ADAMTS19: variants seen among roughly 807,000 people sequenced by gnomAD.
ADAMTS19 encodes ADAM metallopeptidase with thrombospondin type 1 motif 19, also known as A disintegrin and metalloproteinase with thrombospondin motifs 19.
ADAMTS19 carries 93 observed loss-of-function variants against 153.3 expected under a neutral mutation model. That is an observed-to-expected ratio of 0.61 (90% CI 0.51 to 0.72). The LOEUF (loss-of-function observed/expected upper bound fraction) is 0.72. Among genes scored for constraint, ADAMTS19 ranks in the 30% least tolerant of loss-of-function variants. ADAMTS19 has a pLI of 0.00. For synonymous variants in ADAMTS19, 600 were observed against 556.6 expected (o/e 1.08, Z -1.10); for missense variants, 1,482 against 1,552.1 (o/e 0.95, Z 0.76).
intron 7 of ADAMTS19, among the ~76,000 whole-genome samples, chr5:129,578,148 GTATATGTACGTATACGTACATATACCTA>G (rs1322012375): frequency 0.044 from 4,629 of 105,710 alleles, 284 homozygotes; most frequent in Non-Finnish European, 0.068. Flanking sequence ...CTATATGCAT[GTATATGTACGTATACGTACATATACCTA>G]TATGCATGTA....
At chr5:129,485,753 T>C (rs1296078359) in intron 2 of ADAMTS19, among the ~76,000 whole-genome samples, 1 of 152,144 alleles carries the variant, frequency 6.6e-6, no homozygotes, top group Non-Finnish European at 1.5e-5. Context: ...TTTAAAAATG[T>C]AGAACATGGT....
intron 8 of ADAMTS19, among the ~76,000 whole-genome samples, chr5:129,607,752 C>G (rs1180314686): frequency 6.6e-6 from 1 of 151,798 alleles, no homozygotes; most frequent in Non-Finnish European, 1.5e-5. Context: ...ACTATTTCAT[C>G]CAAATCCTAA....
chr5:129,507,374 G>A (rs1307533200), intron 2 of ADAMTS19, among the ~76,000 whole-genome samples: 1 of 151,316 alleles, frequency 6.6e-6, no homozygotes, highest in Admixed American at 6.6e-5. Flanking sequence ...CATCTTTAAT[G>A]GCTATTATTT....
chr5:129,735,462 C>T (rs954446143), intron 22 of ADAMTS19, among the ~76,000 whole-genome samples: 2 of 151,764 alleles, frequency 1.3e-5, no homozygotes, highest in Non-Finnish European at 2.9e-5. Context: ...TAGTGTAAGC[C>T]TTAGATTTCT....
intron 21 of ADAMTS19, among the ~76,000 whole-genome samples, chr5:129,720,152 A>G (rs1231028005): frequency 2.5e-5 from 2 of 81,396 alleles, no homozygotes; most frequent in Admixed American, 1.3e-4. Flanking sequence ...GTGTATGTAT[A>G]TATATATATA....
intron 10 of ADAMTS19, among the ~76,000 whole-genome samples, chr5:129,634,262 A>G (rs1384706356): frequency 6.6e-6 from 1 of 152,168 alleles, no homozygotes; most frequent in Non-Finnish European, 1.5e-5. Context: ...GCAGAAATAG[A>G]AAATACTGCT....
chr5:129,572,822 G>T (rs371011385), intron 7 of ADAMTS19, among the ~76,000 whole-genome samples: 1 of 151,934 alleles, frequency 6.6e-6, no homozygotes, highest in African/African-American at 2.4e-5. Context: ...GAAATGTTCT[G>T]TCCCCTGATT....
rs10072968 is a variant in ADAMTS19 at position 129,514,907 on chromosome 5, G to T, written c.913+5665G>T. ...TTTTCCCCAAAGTTTTCTTGTAATA[G>T]TTTCATAGTTTGAGGTGTTAGATTT... On this transcript the variant is annotated intron_variant, in intron 3 of 22. Transcript: ENST00000274487. Among the ~76,000 whole-genome samples, 1,270 of 152,054 alleles carry T rather than the reference G, an allele frequency of 8.4e-3. 17 individuals carry two copies. The highest frequency in any genetic ancestry group is 0.03 in the African/African-American group (1,233 of 41,528).
chr5:129,626,821 T>C (rs143487986), intron 10 of ADAMTS19, among the ~76,000 whole-genome samples: 2 of 152,208 alleles, frequency 1.3e-5, no homozygotes, highest in African/African-American at 2.4e-5. Context: ...ATATCTAATA[T>C]GTTAGTTGAT....
intron 7 of ADAMTS19, among the ~76,000 whole-genome samples, chr5:129,577,221 T>G (rs2126875801): frequency 6.6e-6 from 1 of 152,258 alleles, no homozygotes; most frequent in Middle Eastern, 3.4e-3. Context: ...TCAAATTTTT[T>G]ATTGCTACAC....
intron 8 of ADAMTS19, among the ~76,000 whole-genome samples, chr5:129,620,158 T>A (rs66809151): frequency 0.058 from 8,810 of 152,026 alleles, 398 homozygotes; most frequent in African/African-American, 0.13. Context: ...GAAGATGGTC[T>A]AATGAAAGAC....
intron 3 of ADAMTS19, among the ~76,000 whole-genome samples, chr5:129,512,012 A>G (rs975382537): frequency 6.6e-6 from 1 of 152,012 alleles, no homozygotes; most frequent in Admixed American, 6.6e-5. Context: ...AACAGAAACC[A>G]AGTTTCTGTA....
At chr5:129,685,650 G>A (rs1300132798) in intron 18 of ADAMTS19, among the ~76,000 whole-genome samples, 1 of 152,134 alleles carries the variant, frequency 6.6e-6, no homozygotes, top group Non-Finnish European at 1.5e-5. Context: ...AAGAATTGAA[G>A]AAAGAGACTC....
chr5:129,605,874 A>T (rs896840880), intron 8 of ADAMTS19, among the ~76,000 whole-genome samples: 5 of 152,164 alleles, frequency 3.3e-5, no homozygotes, highest in African/African-American at 1.2e-4. Context: ...GAGTTGGGTA[A>T]AATTATATGA....
intron 20 of ADAMTS19, among the ~76,000 whole-genome samples, 181 bp from the exon 21 acceptor site, chr5:129,704,058 T>C (rs1025786753): frequency 6.6e-6 from 1 of 152,224 alleles, no homozygotes; most frequent in African/African-American, 2.4e-5. Context: ...TTAAGCTCCT[T>C]CTGGCATCAG....
chr5:129,726,826 C>T (rs1029864689), intron 21 of ADAMTS19, among the ~76,000 whole-genome samples: 1 of 151,976 alleles, frequency 6.6e-6, no homozygotes, highest in African/African-American at 2.4e-5. Flanking sequence ...AAACATTTCT[C>T]ATCCTCTCTC....
chr5:129,521,936 C>A (rs1751817895), intron 3 of ADAMTS19, among the ~76,000 whole-genome samples: 1 of 151,934 alleles, frequency 6.6e-6, no homozygotes, highest in South Asian at 2.1e-4. Flanking sequence ...ACTACAGCAT[C>A]TCATCCAGCA....
Position 129,614,834 on chromosome 5 carries a change from C to A in ADAMTS19, c.1479-5784C>A, listed in dbSNP as rs149660723. Among the ~76,000 whole-genome samples the A allele has an allele frequency of 7.6e-3, 1,157 of 152,038 alleles. 13 individuals are homozygous for A. The highest frequency in any genetic ancestry group is 0.026 in the African/African-American group (1,071 of 41,488). On this transcript the variant is annotated intron_variant, in intron 8 of 22. Transcript: ENST00000274487. ...CCTTAAGCTGATAAGCAACTTCAGC[C>A]AAGTCTCAGGATACAAAAGCAATGT...
intron 21 of ADAMTS19, among the ~76,000 whole-genome samples, chr5:129,721,003 T>C (rs1756984980): frequency 6.6e-6 from 1 of 152,226 alleles, no homozygotes; most frequent in African/African-American, 2.4e-5. Context: ...GTACTATGTA[T>C]AAGCCTTGAA....
Sources: gnomAD v4.1 joint callset for allele counts (sites outside exome capture counted in the v4.1 genomes callset) on GRCh38, gnomAD v4.1.1 for gene constraint, MANE v1.5 for transcripts, NCBI Gene and HGNC (gene_info 2026-07-23, HGNC 2026-07-21) for gene names.